The following MEIS1 variants were observed in gnomAD, a reference collection of about 807,000 sequenced individuals.
MEIS1 encodes the protein Meis homeobox 1.
In MEIS1, 5 loss-of-function variants were observed where a neutral mutation model predicts 50.8. That is an observed-to-expected ratio of 0.10 (90% confidence interval 0.05 to 0.21). The LOEUF is 0.21. Ranked by LOEUF, MEIS1 falls within the 10% of genes least tolerant of loss-of-function variation. The pLI, the probability that MEIS1 is intolerant of heterozygous loss-of-function variation, is 1.00. For synonymous variants in MEIS1, 176 were observed against 179.3 expected, an observed-to-expected ratio of 0.98 and a Z score of 0.15; for missense variants, 318 against 517.3, an observed-to-expected ratio of 0.61 and a Z score of 3.74.
At chr2:66,473,397 A>ATATAT (rs1553373465) in intron 7 of MEIS1, among the ~76,000 whole-genome samples, 4 of 107,614 alleles carry the variant, frequency 3.7e-5, no homozygotes, top group African/African-American at 5.8e-5. Flanking sequence ...AAAAAAAAAA[A>ATATAT]ATATATATAT....
At chr2:66,439,456 G>GC in intron 2 of MEIS1, 2 of 1,366,148 alleles carry the variant, frequency 1.5e-6, no homozygotes, top group Non-Finnish European at 1.9e-6. Flanking sequence ...CCAACTCTCC[G>GC]CCCGGCGCCT....
chr2:66,472,732 G>T (rs1007303700), intron 7 of MEIS1, among the ~76,000 whole-genome samples: 1 of 152,094 alleles, frequency 6.6e-6, no homozygotes, highest in African/African-American at 2.4e-5. Context: ...TAGACGTTCA[G>T]CATCTATGGG....
intron 7 of MEIS1, among the ~76,000 whole-genome samples, chr2:66,469,477 A>G (rs1033540707): frequency 1.3e-5 from 2 of 152,212 alleles, no homozygotes; most frequent in African/African-American, 4.8e-5. Flanking sequence ...GGGAAGGGCC[A>G]CATTATGTTC....
intron 6 of MEIS1, among the ~76,000 whole-genome samples, chr2:66,445,981 G>GCGCCCTCTCCTGAC (rs1172588468): frequency 6.6e-6 from 1 of 152,192 alleles, no homozygotes; most frequent in Non-Finnish European, 1.5e-5. Context: ...AGCCTCCTGG[G>GCGCCCTCTCCTGAC]CGCCCTCTCC....
intron 8 of MEIS1, among the ~76,000 whole-genome samples, chr2:66,524,216 A>C (rs186381243): frequency 3.3e-4 from 50 of 152,232 alleles, no homozygotes; most frequent in Middle Eastern, 3.4e-3. Flanking sequence ...CTTGCTCATG[A>C]CAAAGCAGGC....
In MEIS1 at chr2:66,491,064, A is replaced by T. The variant is rs528900263; in HGVS notation, c.743-21085A>T. Among the ~76,000 whole-genome samples, 3 of 149,830 alleles carry T rather than the reference A, an allele frequency of 2.0e-5. No individual in the cohort carries two copies. In the South Asian group the frequency reaches 6.4e-4, roughly 32 times the overall value. The stretch of plus-strand genomic sequence containing the variant: ...CAAGAAAAAAAAAATGGAGAAATGT[A>T]TTAAGGAAGCCAACCAATGGAAAAA... On this transcript the variant is annotated intron_variant, in intron 7 of 12. Coordinates refer to ENST00000272369, the MANE Select transcript of MEIS1 (RefSeq NM_002398.3).
intron 8 of MEIS1, among the ~76,000 whole-genome samples, chr2:66,545,990 A>T (rs969598890): frequency 6.6e-6 from 1 of 152,180 alleles, no homozygotes; most frequent in African/African-American, 2.4e-5. Context: ...TTTGTTCCAC[A>T]AATATTTAGT....
intron 8 of MEIS1, among the ~76,000 whole-genome samples, chr2:66,535,172 G>A (rs1183585360): frequency 1.3e-5 from 2 of 151,980 alleles, no homozygotes; most frequent in South Asian, 2.1e-4. Flanking sequence ...GGAGGCCTTA[G>A]GGCCAGCAAC....
At chr2:66,570,367 TATC>T (rs999932624) in intron 12 of MEIS1, 28 of 152,252 alleles carry the variant, frequency 1.8e-4, no homozygotes, top group Admixed American at 1.6e-3. Context: ...CAAAAAAAAT[TATC>T]ATCTTTTTTG....
chr2:66,542,552 T>C (rs1674681797), intron 8 of MEIS1, among the ~76,000 whole-genome samples: 1 of 152,216 alleles, frequency 6.6e-6, no homozygotes, highest in South Asian at 2.1e-4. Context: ...AAGTATAGCA[T>C]GTAACATTTT....
At chr2:66,441,128 TGGGG>T in intron 4 of MEIS1, 1 of 408,344 alleles carries the variant, frequency 2.4e-6, no homozygotes. Context: ...CCTTTTGGGG[TGGGG>T]TGGGGCCAGT....
intron 7 of MEIS1, among the ~76,000 whole-genome samples, chr2:66,498,490 A>C (rs942209210): frequency 1.3e-5 from 2 of 152,186 alleles, no homozygotes; most frequent in African/African-American, 4.8e-5. Flanking sequence ...GTGAGGTATT[A>C]TACAGGTTGA....
chr2:66,514,933 A>G (rs530410790), intron 8 of MEIS1, among the ~76,000 whole-genome samples: 58 of 152,294 alleles, frequency 3.8e-4, no homozygotes, highest in African/African-American at 1.2e-3. Flanking sequence ...TTAAAAACCT[A>G]TAGAATCTAA....
rs567762313 is a variant in MEIS1, at chr2:66,460,976, C to T, written c.631-3133C>T. Reference sequence around the variant, plus strand: ...GGTGATTCTGGACCTCAGGTTAAGACCTCTTGTCTTACTGGATTTCCAATA... The same window carrying T: ...GGTGATTCTGGACCTCAGGTTAAGATCTCTTGTCTTACTGGATTTCCAATA... On this transcript the variant is annotated intron_variant, in intron 6 of 12. Coordinates refer to ENST00000272369, the MANE Select transcript of MEIS1 (RefSeq NM_002398.3). Among the ~76,000 whole-genome samples the T allele has an allele frequency of 5.3e-5, 8 of 152,286 alleles. No homozygotes were observed. In the South Asian group the frequency reaches 1.5e-3, roughly 28 times the overall value.
intron 6 of MEIS1, 75 bp from the exon 7 acceptor site, chr2:66,464,034 C>A: frequency 1.9e-6 from 2 of 1,068,020 alleles, no homozygotes; most frequent in South Asian, 1.4e-5. Context: ...ATGGCTTTGT[C>A]ATTATGCCAT....
At position 66,532,417 on chromosome 2, in the gene MEIS1, A is replaced by C. The variant is rs554767338; in HGVS notation, c.889-15526A>C. Reference sequence around the variant, plus strand: ...ATGTATCCTTTCAGAGAAAAAAAAAACACAAAAGCATGGAACAATCACAAG... The same window carrying C: ...ATGTATCCTTTCAGAGAAAAAAAAACCACAAAAGCATGGAACAATCACAAG... On this transcript the variant is annotated intron_variant, in intron 8 of 12. Coordinates refer to ENST00000272369, the MANE Select transcript of MEIS1 (RefSeq NM_002398.3). 2.6e-5 allele frequency among the ~76,000 whole-genome samples: 4 copies of C among 152,064 alleles called. No individual in the cohort carries two copies. The South Asian group carries it at 6.2e-4, about 24-fold the overall frequency.
chr2:66,442,577 TTAAA>T (rs1435837193), intron 5 of MEIS1, among the ~76,000 whole-genome samples: 16 of 152,262 alleles, frequency 1.1e-4, no homozygotes, highest in Admixed American at 3.9e-4. Context: ...CTGGATGAAA[TTAAA>T]TAGTTTACCT....
intron 9 of MEIS1, among the ~76,000 whole-genome samples, chr2:66,560,471 G>A (rs1355048103): frequency 2.0e-5 from 3 of 151,682 alleles, no homozygotes; most frequent in African/African-American, 7.2e-5. Flanking sequence ...ATGCATAACT[G>A]TAGTCCTCGG....
intron 7 of MEIS1, among the ~76,000 whole-genome samples, chr2:66,488,027 T>C (rs1673183058): frequency 6.6e-6 from 1 of 152,208 alleles, no homozygotes. Flanking sequence ...TGCAAAGTGG[T>C]ATTACAGATT....
Sources: gnomAD v4.1 joint callset for allele counts (sites outside exome capture counted in the v4.1 genomes callset) on GRCh38, gnomAD v4.1.1 for gene constraint, MANE v1.5 for transcripts, NCBI Gene and HGNC (gene_info 2026-07-23, HGNC 2026-07-21) for gene names.